Variants in CLSTN2 observed in about 807,000 individuals in gnomAD.
CLSTN2 encodes the protein calsyntenin 2.
In CLSTN2, 48 loss-of-function variants were observed where a neutral mutation model predicts 101.2. The observed-to-expected ratio is 0.47, with a 90% CI of 0.38 to 0.60. The LOEUF (loss-of-function observed/expected upper bound fraction) is 0.60. Ranked by LOEUF, CLSTN2 falls within the 20% of genes least tolerant of loss-of-function variation. CLSTN2 has a pLI of 0.00. For missense variants in CLSTN2, 1,160 were observed against 1,238.2 expected, an observed-to-expected ratio of 0.94 and a Z score of 0.95; for synonymous variants, 481 against 463.6, an observed-to-expected ratio of 1.04 and a Z score of -0.48.
At chr3:140,220,118 A>G (rs1158707191) in intron 2 of CLSTN2, among the ~76,000 whole-genome samples, 6 of 152,236 alleles carry the variant, frequency 3.9e-5, no homozygotes, top group Non-Finnish European at 1.5e-5. Context: ...CTTTTCCTGC[A>G]GTCAGCAAAA....
chr3:140,436,334 A>G (rs1479591446), intron 5 of CLSTN2, among the ~76,000 whole-genome samples: 4 of 152,222 alleles, frequency 2.6e-5, no homozygotes, highest in Non-Finnish European at 5.9e-5. Flanking sequence ...CACTTAATGA[A>G]GAGACTGTCT....
chr3:140,270,234 A>T (rs2086729871), intron 2 of CLSTN2, among the ~76,000 whole-genome samples: 1 of 152,184 alleles, frequency 6.6e-6, no homozygotes, highest in African/African-American at 2.4e-5. Context: ...CTCCTAACAC[A>T]GGTGAGGAGA....
At chr3:140,541,157 A>C (rs1041859874) in intron 9 of CLSTN2, among the ~76,000 whole-genome samples, 4 of 152,178 alleles carry the variant, frequency 2.6e-5, no homozygotes, top group Non-Finnish European at 4.4e-5. Context: ...CATGTAGGCC[A>C]AAGGCTTGGA....
intron 2 of CLSTN2, among the ~76,000 whole-genome samples, chr3:140,368,306 C>G (rs2087815882): frequency 6.6e-6 from 1 of 152,192 alleles, no homozygotes; most frequent in Non-Finnish European, 1.5e-5. Context: ...TCAACAAGCT[C>G]TCTCCCTCTG....
intron 1 of CLSTN2, among the ~76,000 whole-genome samples, chr3:140,129,205 C>G (rs1049290893): frequency 1.3e-5 from 2 of 151,848 alleles, no homozygotes; most frequent in African/African-American, 4.8e-5. Flanking sequence ...TAATTATGGG[C>G]TCCTAGGAAG....
chr3:140,007,842 C>T (rs542669712), intron 1 of CLSTN2, among the ~76,000 whole-genome samples: 3 of 152,276 alleles, frequency 2.0e-5, no homozygotes, highest in African/African-American at 4.8e-5. Flanking sequence ...TGACCTTGTC[C>T]GGTGGTGGAG....
intron 1 of CLSTN2, among the ~76,000 whole-genome samples, chr3:140,159,296 C>T (rs1164253768): frequency 1.3e-5 from 2 of 151,960 alleles, no homozygotes; most frequent in Non-Finnish European, 1.5e-5. Flanking sequence ...GCCTAATATC[C>T]AGAATCTATA....
At chr3:139,975,249 G>C (rs1440928825) in intron 1 of CLSTN2, among the ~76,000 whole-genome samples, 2 of 152,126 alleles carry the variant, frequency 1.3e-5, no homozygotes, top group Non-Finnish European at 2.9e-5. Context: ...GGCTGAGGAA[G>C]TCTGCCAAGA....
At chr3:140,051,177 C>A (rs1443835045) in intron 1 of CLSTN2, among the ~76,000 whole-genome samples, 2 of 152,180 alleles carry the variant, frequency 1.3e-5, no homozygotes, top group African/African-American at 4.8e-5. Flanking sequence ...CTTCGCTGAT[C>A]GTGTGAACAG....
intron 2 of CLSTN2, among the ~76,000 whole-genome samples, chr3:140,255,716 T>C (rs111445450): frequency 5.3e-5 from 8 of 152,202 alleles, no homozygotes; most frequent in African/African-American, 1.9e-4. Context: ...TGACATGCAA[T>C]TTACCCATAT....
At chr3:139,944,828 A>G (rs1268116607) in intron 1 of CLSTN2, among the ~76,000 whole-genome samples, 1 of 152,216 alleles carries the variant, frequency 6.6e-6, no homozygotes, top group African/African-American at 2.4e-5. Context: ...TTATTTGACT[A>G]TCTGCCCAAA....
intron 1 of CLSTN2, among the ~76,000 whole-genome samples, chr3:140,063,928 T>A (rs774779077): frequency 1.1e-4 from 17 of 152,206 alleles, no homozygotes; most frequent in Non-Finnish European, 2.4e-4. Context: ...AGTCTAACAG[T>A]GACCCCTGGG....
chr3:140,013,377 G>A (rs2007128511), intron 1 of CLSTN2, among the ~76,000 whole-genome samples: 1 of 152,224 alleles, frequency 6.6e-6, no homozygotes, highest in Middle Eastern at 3.2e-3. Flanking sequence ...AGCAGAGCTT[G>A]GCATGGAGAG....
chr3:140,558,843 A>G lies in CLSTN2; in HGVS notation c.2027A>G (p.Asp676Gly). 6.2e-7 allele frequency: 1 copy of G among 1,613,814 alleles called. No homozygotes were observed. The highest frequency in any genetic ancestry group is 8.5e-7 in the Non-Finnish European group (1 of 1,179,972). The change falls in exon 12 of 17, where the codon GAC (aspartate) becomes GGC (glycine). Residue 676 changes from aspartate (D) to glycine (G), a missense_variant. Coordinates refer to ENST00000458420, the MANE Select transcript of CLSTN2 (RefSeq NM_022131.3). ...TTCGCCAAAACCGAAGCCCCCGGGG[A>G]CGTGAAAACCACAGGTACAGGTGCA... Reference protein sequence around the residue: ...STFAKTEAPGDVKTTDPKSEV... With the variant: ...STFAKTEAPGGVKTTDPKSEV...
intron 2 of CLSTN2, among the ~76,000 whole-genome samples, chr3:140,394,706 AG>A (rs1204445166): frequency 6.6e-6 from 1 of 152,206 alleles, no homozygotes; most frequent in Middle Eastern, 3.2e-3. Flanking sequence ...CTCCAGCCCC[AG>A]GCAGGTCAGG....
chr3:140,337,337 C>A (rs964554261), intron 2 of CLSTN2, among the ~76,000 whole-genome samples: 1 of 152,176 alleles, frequency 6.6e-6, no homozygotes, highest in Non-Finnish European at 1.5e-5. Context: ...CTTCTTATAG[C>A]CCCAGACATT....
At chr3:140,321,125 G>A (rs1482032246) in intron 2 of CLSTN2, among the ~76,000 whole-genome samples, 3 of 152,198 alleles carry the variant, frequency 2.0e-5, no homozygotes, top group African/African-American at 7.2e-5. Flanking sequence ...GCTTGTGAGA[G>A]GTTGTGGGAA....
intron 4 of CLSTN2, among the ~76,000 whole-genome samples, chr3:140,418,986 G>A (rs994795521): frequency 2.6e-5 from 4 of 151,172 alleles, no homozygotes; most frequent in African/African-American, 4.9e-5. Flanking sequence ...TCATGGCCTG[G>A]GTACCAATAC....
intron 1 of CLSTN2, among the ~76,000 whole-genome samples, chr3:140,057,433 C>T (rs1006836138): frequency 6.6e-6 from 1 of 152,180 alleles, no homozygotes; most frequent in Non-Finnish European, 1.5e-5. Flanking sequence ...GTTGGCCTTC[C>T]CTGACAGTAG....
Sources: allele counts gnomAD v4.1 joint callset (sites outside exome capture counted in the v4.1 genomes callset), GRCh38; gene constraint gnomAD v4.1.1; transcripts MANE v1.5; gene names NCBI Gene and HGNC (gene_info 2026-07-23, HGNC 2026-07-21).